The following PHACTR1 variants were observed in gnomAD, a reference collection of about 807,000 sequenced individuals.
PHACTR1 encodes RPEL repeat containing 1.
PHACTR1 carries 16 observed loss-of-function variants against 69.2 expected under a neutral mutation model. The ratio of observed to expected loss-of-function variants is 0.23; its 90% CI spans 0.16 to 0.35. PHACTR1 has a LOEUF of 0.35. Ranked by LOEUF, PHACTR1 falls within the 10% of genes least tolerant of loss-of-function variation. The pLI, the probability that PHACTR1 is intolerant of heterozygous loss-of-function variation, is 1.00. For synonymous variants in PHACTR1, 312 were observed against 284.5 expected (o/e 1.10, Z -0.97); for missense variants, 510 against 734.7 (o/e 0.69, Z 3.54).
intron 7 of PHACTR1, among the ~76,000 whole-genome samples, chr6:13,183,031 A>G (rs1309152787): frequency 6.6e-6 from 1 of 152,180 alleles, no homozygotes; most frequent in African/African-American, 2.4e-5. Context: ...ACATTTCTAT[A>G]TGATACCTAT....
chr6:13,162,572 C>T (rs939165873), intron 6 of PHACTR1, among the ~76,000 whole-genome samples: 2 of 152,140 alleles, frequency 1.3e-5, no homozygotes, highest in African/African-American at 4.8e-5. Flanking sequence ...ATTATTGTTA[C>T]AGCCAAAACT....
chr6:12,908,195 A>T (rs1304159508), intron 4 of PHACTR1, among the ~76,000 whole-genome samples: 1 of 152,208 alleles, frequency 6.6e-6, no homozygotes, highest in Non-Finnish European at 1.5e-5. Flanking sequence ...AACAAGCCCA[A>T]ATCCTTTCTC....
intron 4 of PHACTR1, among the ~76,000 whole-genome samples, chr6:13,023,392 A>G (rs924828421): frequency 2.0e-5 from 3 of 152,226 alleles, no homozygotes; most frequent in African/African-American, 7.2e-5. Context: ...TATTGTTTCA[A>G]TGTGAACTTT....
chr6:12,971,980 C>T lies in PHACTR1; in HGVS notation c.251-81385C>T, dbSNP rs548974432. Among the ~76,000 whole-genome samples the T allele has an allele frequency of 6.3e-3, 965 of 152,322 alleles. 12 individuals are homozygous for T. Among genetic ancestry groups the T allele is most frequent in the African/African-American group, 0.022 (908 of 41,572 alleles). On this transcript the variant is annotated intron_variant, in intron 4 of 14. Coordinates refer to ENST00000332995, the MANE Select transcript of PHACTR1 (RefSeq NM_030948.6). ...GTTGGGGTGAGAGGAAGAGAACTGACTTCTGTTGAGCACCTACTGTATAAG... is the reference window on the plus strand; with the variant it reads ...GTTGGGGTGAGAGGAAGAGAACTGATTTCTGTTGAGCACCTACTGTATAAG...
At chr6:13,230,691 G>A (rs1770745506) in intron 10 of PHACTR1, among the ~76,000 whole-genome samples, 1 of 152,074 alleles carries the variant, frequency 6.6e-6, no homozygotes, top group African/African-American at 2.4e-5. Context: ...TGAGAGGCAG[G>A]TTTCCAGGGA....
At chr6:13,092,470 G>T (rs1461297048) in intron 5 of PHACTR1, among the ~76,000 whole-genome samples, 1 of 152,168 alleles carries the variant, frequency 6.6e-6, no homozygotes, top group African/African-American at 2.4e-5. Flanking sequence ...ATTTGAGATC[G>T]TCAAGATCTC....
rs116348373 is a variant in PHACTR1 at position 12,965,629 on chromosome 6, G to A, written c.251-87736G>A. On this transcript the variant is annotated intron_variant, in intron 4 of 14. Coordinates refer to ENST00000332995, the MANE Select transcript of PHACTR1 (RefSeq NM_030948.6). ...GGCATGAGTGATAGTGCTGTTGGCC[G>A]TGTGGCTTCAATGTTGATGAATCAA... is the stretch of plus-strand genomic sequence containing the variant. 6.5e-3 allele frequency among the ~76,000 whole-genome samples: 986 copies of A among 152,248 alleles called. 12 individuals carry two copies. Among genetic ancestry groups the A allele is most frequent in the African/African-American group, 0.023 (936 of 41,512 alleles).
chr6:12,786,454 C>T (rs1362700698), intron 4 of PHACTR1, among the ~76,000 whole-genome samples: 1 of 152,170 alleles, frequency 6.6e-6, no homozygotes, highest in Non-Finnish European at 1.5e-5. Context: ...GCCTGAGATT[C>T]AGAAATCAGT....
At position 13,287,176 on chromosome 6, in the gene PHACTR1, T is replaced by C; in HGVS notation, c.*98T>C. 8.6e-7 allele frequency: 1 copy of C among 1,158,722 alleles called. No individual in the cohort carries two copies. Among genetic ancestry groups the C allele is most frequent in the South Asian group, 1.5e-5 (1 of 68,390 alleles). The allele number at this position is 1,158,722 out of a possible 1,614,324, so 71.8% of individuals were successfully genotyped here. A position where few individuals can be genotyped will look rare whatever the true frequency, so the allele number is the denominator to read the frequency against. ...ATTCACTTCCCCATTACGATGTAAATCTTCTGAACTGCCTTTTTTTTAAAA... is the reference window on the plus strand; with the variant it reads ...ATTCACTTCCCCATTACGATGTAAACCTTCTGAACTGCCTTTTTTTTAAAA... On this transcript the variant is annotated 3_prime_UTR_variant, in exon 15 of 15. Transcript: ENST00000332995.
At chr6:12,883,214 T>G (rs1440255336) in intron 4 of PHACTR1, among the ~76,000 whole-genome samples, 1 of 152,114 alleles carries the variant, frequency 6.6e-6, no homozygotes, top group Non-Finnish European at 1.5e-5. Context: ...GTCAGGCTTT[T>G]TTTGTTTGTT....
intron 6 of PHACTR1, among the ~76,000 whole-genome samples, chr6:13,165,091 A>T (rs1759596157): frequency 6.6e-6 from 1 of 152,214 alleles, no homozygotes; most frequent in African/African-American, 2.4e-5. Flanking sequence ...ACACTTTGAA[A>T]ACCACATAAA....
At chr6:12,980,744 G>A (rs1302824601) in intron 4 of PHACTR1, among the ~76,000 whole-genome samples, 3 of 152,172 alleles carry the variant, frequency 2.0e-5, no homozygotes, top group Non-Finnish European at 4.4e-5. Context: ...TAGAGACACT[G>A]GTGCAGACCA....
intron 4 of PHACTR1, among the ~76,000 whole-genome samples, chr6:12,829,999 C>A (rs1326154138): frequency 5.1e-3 from 243 of 47,312 alleles, no homozygotes; most frequent in Admixed American, 6.4e-3. Flanking sequence ...AGAGAGAGAA[C>A]GAAAAGAAGG....
At chr6:12,785,937 C>A (rs563383235) in intron 4 of PHACTR1, among the ~76,000 whole-genome samples, 1 of 152,140 alleles carries the variant, frequency 6.6e-6, no homozygotes, top group Non-Finnish European at 1.5e-5. Context: ...GGAATTCTTT[C>A]TTGAAAAGCC....
At chr6:13,022,198 C>T (rs943762412) in intron 4 of PHACTR1, among the ~76,000 whole-genome samples, 4 of 152,176 alleles carry the variant, frequency 2.6e-5, no homozygotes, top group South Asian at 2.1e-4. Context: ...CAAAGCAAAC[C>T]GTCAATTCAT....
intron 3 of PHACTR1, among the ~76,000 whole-genome samples, chr6:12,720,610 C>T (rs1761993139): frequency 6.6e-6 from 1 of 152,138 alleles, no homozygotes; most frequent in South Asian, 2.1e-4. Flanking sequence ...TCCCTGGAGT[C>T]ATGTTCGTAT....
At position 13,283,227 on chromosome 6, in the gene PHACTR1, C is replaced by T. The variant is rs546017; in HGVS notation, c.1510-195C>T. ...AAAGCTCTCTCTTAGGACCTAGAAA[C>T]GTCCCACTCCCAAGAGTCAGGAGAC... On this transcript the variant is annotated intron_variant, in intron 12 of 14. Transcript: ENST00000332995. The surrounding 1 kb of genome is among the most constrained non-coding windows in gnomAD (Gnocchi z 4.7). 9 of 571,932 alleles carry T rather than the reference C, an allele frequency of 1.6e-5. No homozygotes were observed. The highest frequency in any genetic ancestry group is 4.1e-5 in the South Asian group (2 of 48,558). 35.4% of individuals were successfully genotyped at this position (571,932 alleles called of 1,614,324 possible).
At chr6:13,011,634 A>G (rs1799460747) in intron 4 of PHACTR1, among the ~76,000 whole-genome samples, 1 of 152,224 alleles carries the variant, frequency 6.6e-6, no homozygotes, top group South Asian at 2.1e-4. Context: ...CTTCAGTCTT[A>G]GTTGCTTTAA....
chr6:13,260,545 C>A (rs907948358), intron 10 of PHACTR1, among the ~76,000 whole-genome samples: 1 of 152,272 alleles, frequency 6.6e-6, no homozygotes, highest in East Asian at 1.9e-4. Context: ...GAATTTTGAC[C>A]AGGACTGGCA....
Sources: gnomAD v4.1 joint callset for allele counts (sites outside exome capture counted in the v4.1 genomes callset) on GRCh38, gnomAD v4.1.1 for gene constraint, Gnocchi (gnomAD v3.1) non-coding constraint, MANE v1.5 for transcripts, NCBI Gene and HGNC (gene_info 2026-07-23, HGNC 2026-07-21) for gene names.